A2M: variants seen among roughly 807,000 people sequenced by gnomAD.
A2M encodes C3 and PZP-like alpha-2-macroglobulin domain-containing protein 5.
A2M carries 128 observed loss-of-function variants against 183.9 expected under a neutral mutation model. The ratio of observed to expected loss-of-function variants is 0.70; its 90% CI spans 0.60 to 0.81. A2M has a LOEUF of 0.81. Ranked by LOEUF, A2M falls within the 30% of genes least tolerant of loss-of-function variation. The pLI is 0.00. For missense variants in A2M, 1,495 were observed against 1,787.6 expected, an observed-to-expected ratio of 0.84 and a Z score of 2.95; for synonymous variants, 592 against 670.8, an observed-to-expected ratio of 0.88 and a Z score of 1.81.
At position 9,095,048 on chromosome 12, in the gene A2M, G is replaced by T; in HGVS notation, c.2050C>A (p.Arg684Ser). ...AGCTGTGGACACATTTTGGGTTTAC[G>T]AATCTTTGAGTTGGTGAATGCCTTT... Reference protein sequence around the residue: ...GLKAFTNSKIRKPKMCPQLQQ... With the variant: ...GLKAFTNSKISKPKMCPQLQQ... The change falls in exon 17 of 36, where the codon CGT (arginine) becomes AGT (serine). Residue 684 changes from arginine to serine, a missense_variant. Coordinates refer to ENST00000318602, the MANE Select transcript of A2M (RefSeq NM_000014.6). The T allele has an allele frequency of 6.3e-7, 1 of 1,594,494 alleles. No homozygotes were observed. The highest frequency in any genetic ancestry group is 8.6e-7 in the Non-Finnish European group (1 of 1,169,280).
intron 23 of A2M, 110 bp downstream of exon 23, chr12:9,079,984 G>C: frequency 1.1e-6 from 1 of 926,940 alleles, no homozygotes; most frequent in East Asian, 2.8e-5. Context: ...AAGAAGAAGA[G>C]AAGAAAGAAG....
rs761933862 is a variant in A2M, at chr12:9,068,782, G to T, written c.4324C>A (p.Leu1442Met). 9 of 1,609,216 alleles carry T rather than the reference G, an allele frequency of 5.6e-6. No homozygotes were observed. The highest frequency in any genetic ancestry group is 5.1e-6 in the Non-Finnish European group (6 of 1,177,866). ...TVLQDVPVRDLKPAIVKVYDY... is the reference protein window; with the variant it reads ...TVLQDVPVRDMKPAIVKVYDY... ...TAGACTTTCACTATGGCTGGTTTCA[G>T]ATCTCTTACTGGGACATCTTGCAGA... Residue 1442 changes from leucine to methionine, a missense_variant, in exon 34 of 36, where the codon CTG (leucine) becomes ATG (methionine). Leu to Met is a conservative substitution (Grantham distance 15). Coordinates refer to ENST00000318602, the MANE Select transcript of A2M (RefSeq NM_000014.6).
rs952605348 is a variant in A2M, at chr12:9,089,761, C to T, written c.2718+141G>A. ...GCCTCAAAAACAAAAACAAAAACCCCCAACAAAACAGAAAGTAAATCAAGA... is the reference window on the plus strand; with the variant it reads ...GCCTCAAAAACAAAAACAAAAACCCTCAACAAAACAGAAAGTAAATCAAGA... On this transcript the variant is annotated intron_variant, in intron 21 of 35. Transcript: ENST00000318602. The T allele has an allele frequency of 2.9e-5, 19 of 655,266 alleles. No homozygotes were observed. In the African/African-American group the frequency reaches 3.2e-4, roughly 11 times the overall value. The allele number at this position is 655,266 out of a possible 1,614,324, so 40.6% of individuals were successfully genotyped here.
intron 22 of A2M, among the ~76,000 whole-genome samples, chr12:9,080,562 C>T (rs890535693): frequency 2.6e-5 from 4 of 152,142 alleles, no homozygotes; most frequent in African/African-American, 9.7e-5. Context: ...AAAACACCAA[C>T]AACAAAGCCC....
At chr12:9,111,402 A>T in intron 4 of A2M, 1 of 396,440 alleles carries the variant, frequency 2.5e-6, no homozygotes, top group Admixed American at 2.9e-5. Context: ...TTTTAGACAG[A>T]GGAGTGAAAG....
At chr12:9,092,224 A>G (rs914411965) in intron 18 of A2M, among the ~76,000 whole-genome samples, 6 of 152,070 alleles carry the variant, frequency 3.9e-5, no homozygotes, top group African/African-American at 1.4e-4. Flanking sequence ...AGGTCTGAAC[A>G]TACCCCTGGG....
chr12:9,090,343 G>GT lies in A2M; in HGVS notation c.2596+12dup. The GT allele has an allele frequency of 6.2e-7, 1 of 1,613,960 alleles. No homozygotes were observed. The highest frequency in any genetic ancestry group is 1.1e-5 in the South Asian group (1 of 91,078). ...TTTGAGTAGAGAATTATCTCTAGCAGTTTTTTGCTCACCTAATGACTTTGG... is the reference window on the plus strand; with the variant it reads ...TTTGAGTAGAGAATTATCTCTAGCAGTTTTTTTGCTCACCTAATGACTTTGG... On this transcript the variant is annotated intron_variant, in intron 20 of 35. Transcript: ENST00000318602.
intron 5 of A2M, 21 bp downstream of exon 5, chr12:9,110,293 G>GGAAT (rs1565604197): frequency 1.4e-6 from 2 of 1,460,710 alleles, no homozygotes; most frequent in Middle Eastern, 3.4e-4. Context: ...CTTTTAATAT[G>GGAAT]GAATGTTTCA....
intron 18 of A2M, among the ~76,000 whole-genome samples, chr12:9,092,418 C>T (rs1410856888): frequency 1.3e-5 from 2 of 152,096 alleles, no homozygotes; most frequent in African/African-American, 4.8e-5. Flanking sequence ...CCGCCCCCAC[C>T]ACCCCTTGGC....
chr12:9,095,125 T>C, intron 16 of A2M, 41 bp from the exon 17 acceptor site: 2 of 1,045,384 alleles, frequency 1.9e-6, no homozygotes, highest in Non-Finnish European at 2.8e-6. Context: ...ATATATATTA[T>C]AAAATATACA....
In A2M at chr12:9,074,721, G is replaced by T; in HGVS notation, c.3595C>A (p.Pro1199Thr). The T allele has an allele frequency of 6.2e-7, 1 of 1,614,010 alleles. No homozygotes were observed. The highest frequency in any genetic ancestry group is 8.5e-7 in the Non-Finnish European group (1 of 1,179,988). The change falls in exon 29 of 36, where the codon CCC becomes ACC. Residue 1199 changes from proline (P) to threonine (T), a missense_variant. Coordinates refer to ENST00000318602, the MANE Select transcript of A2M (RefSeq NM_000014.6). ...PKAPVGHFYE[P>T]QAPSAEVEMT... Reference sequence around the variant, plus strand: ...TCCACCTCAGCAGAGGGAGCCTGGGGTTCGTAAAAATGCCCCACTGGTGCC... The same window carrying T: ...TCCACCTCAGCAGAGGGAGCCTGGGTTTCGTAAAAATGCCCCACTGGTGCC...
rs762997842 is a variant in A2M, at chr12:9,077,725, C to T, written c.3252G>A (p.Gly1084=). ...QKDNGCFRSS[G]SLLNNAIKGG... is the part of the protein sequence containing the mutation. The stretch of plus-strand genomic sequence containing the variant: ...CCTTTATGGCATTGTTGAGCAGTGA[C>T]CCAGAGCTCCTGAAACAGCCATTGT... The change falls in exon 26 of 36, where the codon GGG becomes GGA. Residue 1084 remains glycine (G), a synonymous_variant. Transcript: ENST00000318602. 6.2e-7 allele frequency: 1 copy of T among 1,614,004 alleles called. No homozygotes were observed. The highest frequency in any genetic ancestry group is 8.5e-7 in the Non-Finnish European group (1 of 1,180,014).
At chr12:9,073,482 T>C (rs1948642601) in intron 29 of A2M, among the ~76,000 whole-genome samples, 1 of 152,240 alleles carries the variant, frequency 6.6e-6, no homozygotes, top group African/African-American at 2.4e-5. Context: ...CTCAACAACA[T>C]TAAACCTGCT....
chr12:9,115,936 A>C (rs1159170062), upstream of A2M: 3 of 1,107,866 alleles, frequency 2.7e-6, no homozygotes, highest in Non-Finnish European at 4.1e-6. Context: ...TTCCCAAAGC[A>C]ACTGGGCTTT....
At chr12:9,094,507 C>T (rs1949315742) in intron 17 of A2M, among the ~76,000 whole-genome samples, 1 of 151,630 alleles carries the variant, frequency 6.6e-6, no homozygotes, top group Non-Finnish European at 1.5e-5. Context: ...AAATGCTTTC[C>T]TTGATTTTTG....
chr12:9,108,420 C>T (rs1322726309), intron 7 of A2M, among the ~76,000 whole-genome samples: 5 of 152,158 alleles, frequency 3.3e-5, no homozygotes, highest in East Asian at 1.9e-4. Context: ...GCCACCACGC[C>T]GGGCCTGTTT....
chr12:9,095,443 C>T, intron 16 of A2M, 96 bp downstream of exon 16: 1 of 1,221,038 alleles, frequency 8.2e-7, no homozygotes, highest in Non-Finnish European at 1.2e-6. Flanking sequence ...CCATTACCCT[C>T]AACTAGGACA....
At chr12:9,104,192 G>A (rs748455486) in intron 11 of A2M, 47 bp downstream of exon 11, 1 of 1,576,262 alleles carries the variant, frequency 6.3e-7, no homozygotes, top group Admixed American at 1.9e-5. Flanking sequence ...TTGCAACCTT[G>A]TTTCCAAGGC....
Position 9,104,412 on chromosome 12 carries a change from A to G in A2M, c.1105-12T>C. ...TCTACTAGGCGCACCTGAAGATTAA[A>G]AGCTGTGGATTAGTTATATTGGTAA... On this transcript the variant is annotated splice_polypyrimidine_tract_variant and intron_variant, in intron 10 of 35. Transcript: ENST00000318602. 1.3e-6 allele frequency: 2 copies of G among 1,572,212 alleles called. No homozygotes were observed. Among genetic ancestry groups the G allele is most frequent in the Non-Finnish European group, 1.7e-6 (2 of 1,157,358 alleles).
Sources: gnomAD v4.1 joint callset for allele counts (sites outside exome capture counted in the v4.1 genomes callset) on GRCh38, gnomAD v4.1.1 for gene constraint, MANE v1.5 for transcripts, NCBI Gene and HGNC (gene_info 2026-07-23, HGNC 2026-07-21) for gene names.